The following ZBTB49 variants were observed in gnomAD, a reference collection of about 807,000 sequenced individuals.
ZBTB49 encodes the protein zinc finger and BTB domain containing 49, also known as zinc finger and BTB domain-containing protein 49.
In ZBTB49, 43 loss-of-function variants were observed where a neutral mutation model predicts 57.5. That is an observed-to-expected ratio of 0.75 (90% CI 0.59 to 0.97). The LOEUF is 0.97. ZBTB49 is among the 50% of genes least tolerant of loss of function. The pLI, the probability that ZBTB49 is intolerant of heterozygous loss-of-function variation, is 0.00. For missense variants in ZBTB49, 938 were observed against 947.7 expected (o/e 0.99, Z 0.13); for synonymous variants, 369 against 362.1 (o/e 1.02, Z -0.22).
At chr4:4,306,103 A>T in intron 3 of ZBTB49, 35 bp from the exon 4 acceptor site, 1 of 1,599,560 alleles carries the variant, frequency 6.3e-7, no homozygotes, top group East Asian at 2.2e-5. Flanking sequence ...AATACTAGTA[A>T]TGATTTTACA....
At chr4:4,301,175 A>C (rs1258198714) in intron 2 of ZBTB49, among the ~76,000 whole-genome samples, 1 of 152,222 alleles carries the variant, frequency 6.6e-6, no homozygotes, top group Non-Finnish European at 1.5e-5. Flanking sequence ...AACAGAACTG[A>C]AGGCTGTTTG....
chr4:4,306,669 T>C (rs968426802), intron 4 of ZBTB49, among the ~76,000 whole-genome samples: 1 of 152,230 alleles, frequency 6.6e-6, no homozygotes, highest in Admixed American at 6.5e-5. Context: ...AGGCATTCAG[T>C]CCTTGAGGAA....
intron 4 of ZBTB49, among the ~76,000 whole-genome samples, chr4:4,306,732 A>G (rs1720751173): frequency 6.6e-6 from 1 of 152,182 alleles, no homozygotes; most frequent in Admixed American, 6.5e-5. Flanking sequence ...ATGGGACACA[A>G]AGAAACCTAG....
intron 3 of ZBTB49, 56 bp downstream of exon 3, chr4:4,303,147 C>T: frequency 6.7e-7 from 1 of 1,487,392 alleles, no homozygotes; most frequent in South Asian, 1.5e-5. Flanking sequence ...GATGCTCAGA[C>T]ACCACTGGCT....
At chr4:4,314,677 G>A (rs115650663) in intron 5 of ZBTB49, among the ~76,000 whole-genome samples, 5 of 152,330 alleles carry the variant, frequency 3.3e-5, no homozygotes, top group African/African-American at 7.2e-5. Context: ...CAGCCAAGGC[G>A]TGTGTTTGAA....
At position 4,321,222 on chromosome 4, in the gene ZBTB49, C is replaced by T. The variant is rs775770383; in HGVS notation, c.2204C>T (p.Thr735Ile). Residue 735 changes from threonine (T) to isoleucine (I), a missense_variant, in exon 8 of 8, where the codon ACT becomes ATT. By Grantham distance (89) the Thr-to-Ile change is moderately conservative. Around this residue, in one of 3 missense-constraint regions of ZBTB49, gnomAD observed 835 missense variants for 819.1 expected, o/e 1.02. Transcript: ENST00000337872. ...CTGGGCAGTCGAGCATCTTCCACCA[C>T]TTATAGGAACTCAGAGGGTCAGTTT... ...DPLGSRASST[T>I]YRNSEGQFFS... 1.2e-6 allele frequency: 2 copies of T among 1,614,106 alleles called. No homozygotes were observed. The highest frequency in any genetic ancestry group is 3.3e-5 in the Admixed American group (2 of 60,014).
At chr4:4,303,760 C>CTCTCTCTCTGTGTGTGTG (rs1223289249) in intron 3 of ZBTB49, among the ~76,000 whole-genome samples, 8,639 of 120,736 alleles carry the variant, frequency 0.072, 466 homozygotes, top group Non-Finnish European at 0.1. Context: ...CTCTCTCTCT[C>CTCTCTCTCTGTGTGTGTG]TGTGTGTGTG....
At chr4:4,314,633 A>G (rs1481200199) in intron 5 of ZBTB49, among the ~76,000 whole-genome samples, 1 of 152,170 alleles carries the variant, frequency 6.6e-6, no homozygotes, top group Non-Finnish European at 1.5e-5. Flanking sequence ...CTGCCTCCCA[A>G]AGTGCTAAGA....
chr4:4,313,223 C>T, intron 5 of ZBTB49, 109 bp downstream of exon 5: 1 of 1,207,806 alleles, frequency 8.3e-7, no homozygotes, highest in Non-Finnish European at 1.2e-6. Context: ...CACAGGTGGG[C>T]TCACCCTGCC....
rs1368464751 is a variant in ZBTB49 at position 4,321,605 on chromosome 4, C to G, written c.*289C>G. 6 of 477,870 alleles carry G rather than the reference C, an allele frequency of 1.3e-5. No individual in the cohort carries two copies. Among genetic ancestry groups the G allele is most frequent in the Non-Finnish European group, 2.2e-5 (6 of 267,454 alleles). 29.6% of individuals were successfully genotyped at this position (477,870 alleles called of 1,614,324 possible). A position where few individuals can be genotyped will look rare whatever the true frequency, so the allele number is the denominator to read the frequency against. ...CTGTGGGGGGGAAGCGCGTGTGCAT[C>G]GTGTCAACTACTGTACATGTTGGTC... On this transcript the variant is annotated 3_prime_UTR_variant, in exon 8 of 8. Transcript: ENST00000337872.
chr4:4,295,691 G>A (rs771441357), intron 1 of ZBTB49, among the ~76,000 whole-genome samples: 1 of 152,114 alleles, frequency 6.6e-6, no homozygotes, highest in Non-Finnish European at 1.5e-5. Flanking sequence ...CTCTTTTGGG[G>A]CAGTACCTCA....
At chr4:4,311,279 C>G (rs750286469) in intron 4 of ZBTB49, among the ~76,000 whole-genome samples, 6 of 152,150 alleles carry the variant, frequency 3.9e-5, no homozygotes, top group Non-Finnish European at 5.9e-5. Flanking sequence ...GCATTTCATT[C>G]AGAATACATA....
intron 1 of ZBTB49, among the ~76,000 whole-genome samples, chr4:4,295,857 A>T (rs1051041058): frequency 2.6e-5 from 4 of 152,202 alleles, no homozygotes; most frequent in African/African-American, 9.6e-5. Context: ...TCTCGATTTG[A>T]TAGGTGAGGT....
chr4:4,302,609 C>T lies in ZBTB49; in HGVS notation c.773C>T (p.Ala258Val), dbSNP rs201219315. 2.5e-5 allele frequency: 41 copies of T among 1,613,582 alleles called. No homozygotes were observed. The East Asian group carries it at 3.6e-4, about 14-fold the overall frequency. Residue 258 changes from alanine (A) to valine (V), a missense_variant, in exon 3 of 8, where the codon GCC becomes GTC. Physicochemically the swap from Ala to Val is moderately conservative, Grantham distance 64 (BLOSUM62 0). Transcript: ENST00000337872. Reference sequence around the variant, plus strand: ...ACCACGGTAGAGAGCCAGCCTTGTGCCGTCAGTCATTCTGAATGCATCCTG... The same window carrying T: ...ACCACGGTAGAGAGCCAGCCTTGTGTCGTCAGTCATTCTGAATGCATCCTG... ...DLTTVESQPC[A>V]VSHSECILES...
chr4:4,304,375 G>A (rs765900938), intron 3 of ZBTB49, among the ~76,000 whole-genome samples: 1 of 151,890 alleles, frequency 6.6e-6, no homozygotes, highest in Non-Finnish European at 1.5e-5. Context: ...ACAGGCATGC[G>A]CCACCAATTT....
rs761300121 is a variant in ZBTB49 at position 4,321,361 on chromosome 4, G to C, written c.*45G>C. On this transcript the variant is annotated 3_prime_UTR_variant, in exon 8 of 8. Coordinates refer to ENST00000337872, the MANE Select transcript of ZBTB49 (RefSeq NM_145291.4). ...GTAGAGGCGTGTTCTCAGTTTAGCA[G>C]GCTGGTGTTAAGGCTGTAGGAGGAC... The C allele has an allele frequency of 2.1e-5, 33 of 1,589,832 alleles. No individual in the cohort carries two copies. Among genetic ancestry groups the C allele is most frequent in the Non-Finnish European group, 2.6e-5 (30 of 1,173,234 alleles).
chr4:4,293,297 C>A (rs762874702), intron 1 of ZBTB49, among the ~76,000 whole-genome samples: 19 of 152,230 alleles, frequency 1.2e-4, no homozygotes, highest in Middle Eastern at 3.2e-3. Flanking sequence ...CCTTCTCTCA[C>A]GCTATAACAC....
intron 4 of ZBTB49, among the ~76,000 whole-genome samples, chr4:4,310,039 A>G (rs976192982): frequency 6.6e-6 from 1 of 152,112 alleles, no homozygotes; most frequent in Non-Finnish European, 1.5e-5. Context: ...TAAACACTCA[A>G]CTGCCGTTAA....
chr4:4,307,358 G>C (rs1001085566), intron 4 of ZBTB49, among the ~76,000 whole-genome samples: 5 of 152,164 alleles, frequency 3.3e-5, no homozygotes, highest in African/African-American at 4.8e-5. Context: ...CTGCCAGCCT[G>C]GCCTGGGGTT....
Sources: allele counts gnomAD v4.1 joint callset (sites outside exome capture counted in the v4.1 genomes callset), GRCh38; gene constraint gnomAD v4.1.1; regional missense constraint gnomAD v4.1.1; transcripts MANE v1.5; gene names NCBI Gene and HGNC (gene_info 2026-07-23, HGNC 2026-07-21).